Variants in FAT3 observed in about 807,000 individuals in gnomAD.
FAT3 encodes the protein FAT atypical cadherin 3, also known as protocadherin Fat 3.
In FAT3, 95 loss-of-function variants were observed where a neutral mutation model predicts 310.2. The ratio of observed to expected loss-of-function variants is 0.31; its 90% CI spans 0.26 to 0.36. The LOEUF (loss-of-function observed/expected upper bound fraction) is 0.36, where lower values mean the gene tolerates loss of function less well. Among genes scored for constraint, FAT3 ranks in the 10% least tolerant of loss-of-function variants. FAT3 has a pLI of 1.00. For synonymous variants in FAT3, 2,314 were observed against 2,192.9 expected, an observed-to-expected ratio of 1.06 and a Z score of -1.54; for missense variants, 5,408 against 5,715.6, an observed-to-expected ratio of 0.95 and a Z score of 1.74.
At chr11:92,343,341 C>T (rs768111188) in intron 1 of FAT3, among the ~76,000 whole-genome samples, 2 of 151,852 alleles carry the variant, frequency 1.3e-5, no homozygotes, top group Non-Finnish European at 2.9e-5. Flanking sequence ...TTCCCTTGTG[C>T]AGAATGACAA....
At chr11:92,697,519 A>G (rs1943978089) in intron 4 of FAT3, 74 bp downstream of exon 4, 5 of 1,342,190 alleles carry the variant, frequency 3.7e-6, no homozygotes, top group African/African-American at 2.9e-5. Flanking sequence ...AACATAAACT[A>G]CACCTTCAAT....
At chr11:92,861,607 T>A (rs906256930) in intron 21 of FAT3, among the ~76,000 whole-genome samples, 6 of 152,224 alleles carry the variant, frequency 3.9e-5, no homozygotes, top group African/African-American at 1.4e-4. Flanking sequence ...TCACTCCCAA[T>A]CTGTCTGTTC....
chr11:92,315,351 G>GT (rs11392743), intron 1 of FAT3, among the ~76,000 whole-genome samples: 55,825 of 150,140 alleles, frequency 0.37, 14,667 homozygotes, highest in African/African-American at 0.75. Context: ...CAAAACAAAA[G>GT]TAAGTTTTTT....
chr11:92,503,943 T>G (rs547831467), intron 2 of FAT3, among the ~76,000 whole-genome samples: 8 of 152,070 alleles, frequency 5.3e-5, no homozygotes, highest in Non-Finnish European at 8.8e-5. Flanking sequence ...GTGGCAGAGG[T>G]TATGGTGAAG....
chr11:92,616,185 G>C (rs1239127209), intron 3 of FAT3, among the ~76,000 whole-genome samples: 1 of 152,122 alleles, frequency 6.6e-6, no homozygotes, highest in African/African-American at 2.4e-5. Context: ...TATATATTTA[G>C]GATAGTTAGC....
intron 3 of FAT3, among the ~76,000 whole-genome samples, chr11:92,577,459 ATTTATGGGGTACAATATGATGT>A (rs1162531327): frequency 6.6e-6 from 1 of 151,992 alleles, no homozygotes; most frequent in African/African-American, 2.4e-5. Flanking sequence ...AATTGTATAT[ATTTATGGGGTACAATATGATGT>A]TTTAATCCAT....
rs538520819 is a variant in FAT3 at position 92,394,199 on chromosome 11, C to T, written c.3292+38795C>T. On this transcript the variant is annotated intron_variant, in intron 2 of 27. Coordinates refer to ENST00000525166, the MANE Select transcript of FAT3 (RefSeq NM_001367949.2). ...AATTAAAACTTTTTAGGTCTGGCAG[C>T]GGCTCACACCTGTAATCTCAGTACT... Among the ~76,000 whole-genome samples the T allele has an allele frequency of 7.2e-5, 11 of 152,232 alleles. No individual in the cohort carries two copies. In the East Asian group the frequency reaches 9.7e-4, roughly 13 times the overall value.
At chr11:92,583,377 G>A (rs761105228) in intron 3 of FAT3, among the ~76,000 whole-genome samples, 19 of 152,020 alleles carry the variant, frequency 1.2e-4, no homozygotes, top group Non-Finnish European at 2.1e-4. Context: ...TTTGCATCAT[G>A]TTGGTCTGTG....
At chr11:92,464,066 A>T (rs1430267543) in intron 2 of FAT3, among the ~76,000 whole-genome samples, 2 of 152,140 alleles carry the variant, frequency 1.3e-5, no homozygotes, top group Admixed American at 1.3e-4. Flanking sequence ...GATGCTGGGG[A>T]TCCAAAGACA....
chr11:92,264,285 G>A (rs1244593610), intron 1 of FAT3, among the ~76,000 whole-genome samples: 2 of 152,278 alleles, frequency 1.3e-5, no homozygotes, highest in Middle Eastern at 3.4e-3. Flanking sequence ...AATACTTTAA[G>A]ACTCCAATTC....
In FAT3 at chr11:92,689,035, G is replaced by A. The variant is rs887026217; in HGVS notation, c.3608-8349G>A. 2.0e-5 allele frequency among the ~76,000 whole-genome samples: 3 copies of A among 152,158 alleles called. 1 individual carries two copies. The highest frequency in any genetic ancestry group is 4.1e-4 in the South Asian group (2 of 4,828). On this transcript the variant is annotated intron_variant, in intron 3 of 27. Transcript: ENST00000525166. Reference sequence around the variant, plus strand: ...GTTCTTAGAGCTGATAATAAGAATAGTATTATTTGGGCATGTAGTATGTGC... The same window carrying A: ...GTTCTTAGAGCTGATAATAAGAATAATATTATTTGGGCATGTAGTATGTGC...
chr11:92,556,182 G>T (rs1400868504), intron 3 of FAT3, among the ~76,000 whole-genome samples: 1 of 152,152 alleles, frequency 6.6e-6, no homozygotes, highest in Non-Finnish European at 1.5e-5. Context: ...ATCAAGTAAA[G>T]GCTATTCTCC....
intron 3 of FAT3, among the ~76,000 whole-genome samples, chr11:92,608,913 C>G (rs988791581): frequency 1.3e-5 from 2 of 151,984 alleles, no homozygotes; most frequent in Non-Finnish European, 2.9e-5. Flanking sequence ...GGTGCCATGC[C>G]CAGGCTTCTG....
In FAT3 at chr11:92,353,350, C is replaced by T. The variant is rs1290583520; in HGVS notation, c.1238C>T (p.Pro413Leu). The stretch of plus-strand genomic sequence containing the variant: ...ATAGATGTGGAATACAAATTATCTC[C>T]TGGTGAGGATGCAGTGTACTTTAAA... ...EPIDVEYKLS[P>L]GEDAVYFKIN... is the part of the protein sequence containing the mutation. The change falls in exon 2 of 28, where the codon CCT (proline) becomes CTT (leucine). Residue 413 changes from proline to leucine, a missense_variant. Coordinates refer to ENST00000525166, the MANE Select transcript of FAT3 (RefSeq NM_001367949.2). The T allele has an allele frequency of 1.2e-6, 2 of 1,613,520 alleles. No homozygotes were observed. The highest frequency in any genetic ancestry group is 1.7e-6 in the Non-Finnish European group (2 of 1,179,810).
chr11:92,306,127 G>T (rs372445339), intron 1 of FAT3, among the ~76,000 whole-genome samples: 1 of 151,800 alleles, frequency 6.6e-6, no homozygotes, highest in Admixed American at 6.6e-5. Flanking sequence ...TGAATTAATG[G>T]ATTCATTAAC....
At chr11:92,783,921 T>C (rs1946822320) in intron 7 of FAT3, among the ~76,000 whole-genome samples, 1 of 152,234 alleles carries the variant, frequency 6.6e-6, no homozygotes, top group African/African-American at 2.4e-5. Flanking sequence ...TCATAATGAA[T>C]GTTCATGAAA....
At position 92,709,532 on chromosome 11, in the gene FAT3, G is replaced by A. The variant is rs1473689914; in HGVS notation, c.3669+12087G>A. The stretch of plus-strand genomic sequence containing the variant: ...TACCTTTAGTGAAGGTCACCCGTAG[G>A]AGGAAGGGTCAGATTACTCCGCTTT... On this transcript the variant is annotated intron_variant, in intron 4 of 27. Transcript: ENST00000525166. Among the ~76,000 whole-genome samples, 3 of 152,270 alleles carry A rather than the reference G, an allele frequency of 2.0e-5. No individual in the cohort carries two copies. In the East Asian group the frequency reaches 5.8e-4, roughly 29 times the overall value.
intron 2 of FAT3, among the ~76,000 whole-genome samples, chr11:92,464,749 T>C (rs1018054368): frequency 3.9e-5 from 6 of 152,230 alleles, no homozygotes; most frequent in African/African-American, 1.4e-4. Flanking sequence ...TGAGCTTTCA[T>C]TTAAGCCCAG....
In FAT3 at chr11:92,735,948, G is replaced by A. The variant is rs182809159; in HGVS notation, c.3670-25908G>A. ...ATTGCTATTCCCATGTAACAAATAT[G>A]GATATTGAGACATAATTTATATTTG... On this transcript the variant is annotated intron_variant, in intron 4 of 27. Transcript: ENST00000525166. 1.1e-4 allele frequency among the ~76,000 whole-genome samples: 16 copies of A among 152,160 alleles called. No homozygotes were observed. In the East Asian group the frequency reaches 3.1e-3, roughly 29 times the overall value.
Sources: gnomAD v4.1 joint callset for allele counts (sites outside exome capture counted in the v4.1 genomes callset) on GRCh38, gnomAD v4.1.1 for gene constraint, MANE v1.5 for transcripts, NCBI Gene and HGNC (gene_info 2026-07-23, HGNC 2026-07-21) for gene names.